The following NLGN1 variants were observed in gnomAD, a reference collection of about 807,000 sequenced individuals.
The protein encoded by NLGN1 is neuroligin 1.
NLGN1 carries 12 observed loss-of-function variants against 65.5 expected under a neutral mutation model. The ratio of observed to expected loss-of-function variants is 0.18; its 90% CI spans 0.12 to 0.30. The LOEUF is 0.30. Among genes scored for constraint, NLGN1 ranks in the 10% least tolerant of loss-of-function variants. The pLI, the probability that NLGN1 is intolerant of heterozygous loss-of-function variation, is 1.00. For missense variants in NLGN1, 750 were observed against 1,007.1 expected (o/e 0.74, Z 3.46); for synonymous variants, 350 against 359.5 (o/e 0.97, Z 0.30).
intron 4 of NLGN1, among the ~76,000 whole-genome samples, chr3:174,229,917 C>T (rs372870449): frequency 4.3e-4 from 66 of 152,282 alleles, no homozygotes; most frequent in Middle Eastern, 6.8e-3. Context: ...CCAGTTCTTA[C>T]GTGCTGCTAA....
At chr3:174,133,168 G>A (rs1392124874) in intron 4 of NLGN1, among the ~76,000 whole-genome samples, 1 of 152,184 alleles carries the variant, frequency 6.6e-6, no homozygotes, top group African/African-American at 2.4e-5. Context: ...TTCCTGAGTG[G>A]TCATTTGGTC....
At chr3:173,719,577 G>A (rs1265121266) in intron 3 of NLGN1, among the ~76,000 whole-genome samples, 4 of 151,926 alleles carry the variant, frequency 2.6e-5, no homozygotes, top group Admixed American at 6.6e-5. Context: ...GTGGAATTAA[G>A]GGCACTGTTA....
chr3:173,712,512 A>G (rs903115058), intron 3 of NLGN1, among the ~76,000 whole-genome samples: 4 of 152,138 alleles, frequency 2.6e-5, no homozygotes, highest in Admixed American at 1.3e-4. Flanking sequence ...GCCACTGACT[A>G]CCTGTGTGCT....
intron 2 of NLGN1, among the ~76,000 whole-genome samples, chr3:173,535,927 T>C (rs1028864124): frequency 6.6e-6 from 1 of 152,234 alleles, no homozygotes; most frequent in African/African-American, 2.4e-5. Flanking sequence ...CAGGTCTCAC[T>C]GTCTGAGACA....
intron 3 of NLGN1, among the ~76,000 whole-genome samples, chr3:173,624,539 C>T (rs1026391417): frequency 1.3e-5 from 2 of 152,098 alleles, no homozygotes; most frequent in Admixed American, 6.6e-5. Flanking sequence ...ATTAAGGAGA[C>T]AATTTCTTCT....
intron 1 of NLGN1, among the ~76,000 whole-genome samples, chr3:173,432,429 G>C (rs6765229): frequency 4.1e-4 from 63 of 152,286 alleles, no homozygotes; most frequent in African/African-American, 1.5e-3. Flanking sequence ...TCTAATAGCC[G>C]TGTAGAAGTA....
intron 2 of NLGN1, among the ~76,000 whole-genome samples, chr3:173,597,828 A>G (rs1749751311): frequency 6.6e-6 from 1 of 152,148 alleles, no homozygotes. Flanking sequence ...TCATTGCATT[A>G]TTCACTAATA....
chr3:173,626,252 G>T (rs1208148803), intron 3 of NLGN1, among the ~76,000 whole-genome samples: 1 of 151,942 alleles, frequency 6.6e-6, no homozygotes, highest in East Asian at 1.9e-4. Flanking sequence ...ACCATTTTGG[G>T]CAGTGCAGCT....
At chr3:174,071,371 G>A (rs1379412125) in intron 4 of NLGN1, among the ~76,000 whole-genome samples, 1 of 152,008 alleles carries the variant, frequency 6.6e-6, no homozygotes, top group African/African-American at 2.4e-5. Context: ...GCAGGAGTAG[G>A]CTATCCCATC....
At chr3:173,637,910 C>A (rs1254207159) in intron 3 of NLGN1, among the ~76,000 whole-genome samples, 2 of 152,122 alleles carry the variant, frequency 1.3e-5, no homozygotes, top group Non-Finnish European at 1.5e-5. Flanking sequence ...ATAAAAATCA[C>A]CAGAGACGGC....
intron 3 of NLGN1, among the ~76,000 whole-genome samples, chr3:173,727,796 T>G (rs1772049682): frequency 6.6e-6 from 1 of 152,164 alleles, no homozygotes; most frequent in African/African-American, 2.4e-5. Context: ...AGAATTATTC[T>G]CTGTATTTTT....
chr3:174,212,292 A>G (rs1736815487), intron 4 of NLGN1, among the ~76,000 whole-genome samples: 1 of 152,162 alleles, frequency 6.6e-6, no homozygotes, highest in African/African-American at 2.4e-5. Context: ...GCCCACGCCT[A>G]CCCGGAACTC....
At chr3:173,697,455 G>C (rs1247494079) in intron 3 of NLGN1, among the ~76,000 whole-genome samples, 1 of 152,100 alleles carries the variant, frequency 6.6e-6, no homozygotes, top group East Asian at 1.9e-4. Context: ...TTTGTGAAAG[G>C]ATTTTTAAAA....
At chr3:173,627,894 G>C (rs1755062326) in intron 3 of NLGN1, among the ~76,000 whole-genome samples, 1 of 150,324 alleles carries the variant, frequency 6.7e-6, no homozygotes, top group South Asian at 2.1e-4. Flanking sequence ...CTGAAAATCT[G>C]TGTGTATTAT....
chr3:173,720,026 A>T (rs1411952970), intron 3 of NLGN1, among the ~76,000 whole-genome samples: 1 of 152,136 alleles, frequency 6.6e-6, no homozygotes, highest in Non-Finnish European at 1.5e-5. Flanking sequence ...AGGTGGGAGG[A>T]TCACTTGAAT....
intron 4 of NLGN1, among the ~76,000 whole-genome samples, chr3:174,074,553 A>G (rs189075554): frequency 6.2e-4 from 95 of 152,292 alleles, no homozygotes; most frequent in African/African-American, 2.2e-3. Context: ...GCAAGTCATA[A>G]TATTTACGAT....
intron 4 of NLGN1, among the ~76,000 whole-genome samples, chr3:174,037,266 AT>A (rs1731343520): frequency 6.6e-6 from 1 of 152,114 alleles, no homozygotes; most frequent in African/African-American, 2.4e-5. Context: ...AGCATCTGTT[AT>A]TTTTTGACTT....
chr3:174,291,126 T>C (rs1371196484), downstream of NLGN1, among the ~76,000 whole-genome samples: 1 of 148,436 alleles, frequency 6.7e-6, no homozygotes, highest in Non-Finnish European at 1.5e-5. Context: ...TGGGAATAAA[T>C]AGTAAAAAGT....
chr3:174,076,195 T>C (rs1740861645), intron 4 of NLGN1, among the ~76,000 whole-genome samples: 1 of 152,184 alleles, frequency 6.6e-6, no homozygotes, highest in Non-Finnish European at 1.5e-5. Flanking sequence ...TTAGAAGTGA[T>C]ACAGGCAATA....
Sources: gnomAD v4.1 joint callset for allele counts (sites outside exome capture counted in the v4.1 genomes callset) on GRCh38, gnomAD v4.1.1 for gene constraint, MANE v1.5 for transcripts, NCBI Gene and HGNC (gene_info 2026-07-23, HGNC 2026-07-21) for gene names.